MGST2: variants seen among roughly 807,000 people sequenced by gnomAD.
MGST2 encodes the protein glutathione peroxidase MGST2.
In MGST2, 9 loss-of-function variants were observed where a neutral mutation model predicts 16.6. That is an observed-to-expected ratio of 0.54 (90% CI 0.33 to 0.95). MGST2 has a LOEUF of 0.95. MGST2 is among the 40% of genes least tolerant of loss of function. MGST2 has a pLI of 0.03. For missense variants in MGST2, 159 were observed against 175.1 expected, an observed-to-expected ratio of 0.91 and a Z score of 0.52; for synonymous variants, 79 against 68.0, an observed-to-expected ratio of 1.16 and a Z score of -0.79.
intron 5 of MGST2, chr4:139,719,131 G>A (rs1307257917): frequency 3.3e-6 from 2 of 612,236 alleles, no homozygotes; most frequent in Non-Finnish European, 5.5e-6. Flanking sequence ...CGATTGCTGT[G>A]TGAAAATCAG....
intron 3 of MGST2, among the ~76,000 whole-genome samples, chr4:139,700,201 G>A (rs1320859952): frequency 1.5e-5 from 2 of 135,062 alleles, no homozygotes; most frequent in African/African-American, 5.6e-5. Flanking sequence ...GTGCGATCTC[G>A]GCTCACTGCA....
chr4:139,686,538 G>A (rs1731580038), intron 2 of MGST2, among the ~76,000 whole-genome samples: 1 of 152,082 alleles, frequency 6.6e-6, no homozygotes, highest in African/African-American at 2.4e-5. Context: ...TTAATTTTTG[G>A]TTTACACCCT....
chr4:139,731,169 T>C, intron 5 of MGST2: 1 of 162,922 alleles, frequency 6.1e-6, no homozygotes, highest in East Asian at 1.7e-4. Context: ...TTTGATGGAA[T>C]TCTAACGAGT....
intron 1 of MGST2, among the ~76,000 whole-genome samples, chr4:139,669,804 G>A (rs920093782): frequency 1.3e-5 from 2 of 152,218 alleles, no homozygotes; most frequent in Non-Finnish European, 2.9e-5. Flanking sequence ...ATAATCCAAA[G>A]GGGTACAGCA....
chr4:139,741,202 G>A (rs1394269375), downstream of MGST2, among the ~76,000 whole-genome samples: 1 of 152,148 alleles, frequency 6.6e-6, no homozygotes, highest in East Asian at 1.9e-4. Context: ...AGAAATCTGG[G>A]ATTGGTACTT....
At chr4:139,687,400 G>C (rs988114957) in intron 2 of MGST2, among the ~76,000 whole-genome samples, 33 of 152,304 alleles carry the variant, frequency 2.2e-4, no homozygotes, top group African/African-American at 7.5e-4. Flanking sequence ...AAGCCATTTA[G>C]ACTTTATCTG....
chr4:139,719,738 T>A (rs1371057787), intron 5 of MGST2: 1 of 1,613,664 alleles, frequency 6.2e-7, no homozygotes, highest in African/African-American at 1.3e-5. Context: ...CTGTGGGAAG[T>A]GCTGCTTGGT....
At chr4:139,694,168 C>T (rs1395520848) in intron 2 of MGST2, among the ~76,000 whole-genome samples, 3 of 150,130 alleles carry the variant, frequency 2.0e-5, no homozygotes, top group South Asian at 2.1e-4. Context: ...GGAAGAATTA[C>T]GCTTTGTAAT....
chr4:139,670,818 G>A (rs563037152), intron 1 of MGST2, among the ~76,000 whole-genome samples: 1 of 151,828 alleles, frequency 6.6e-6, no homozygotes, highest in South Asian at 2.1e-4. Flanking sequence ...GGAGGCTGAG[G>A]TGTGAGAATT....
chr4:139,709,234 C>T (rs1256552666), downstream of MGST2, among the ~76,000 whole-genome samples: 1 of 151,814 alleles, frequency 6.6e-6, no homozygotes, highest in Non-Finnish European at 1.5e-5. Flanking sequence ...AGGCGCCCGC[C>T]ACCACGCCCA....
the MGST2 span, among the ~76,000 whole-genome samples, chr4:139,750,066 C>T: frequency 2.6e-5 from 4 of 152,074 alleles, no homozygotes; most frequent in Admixed American, 6.5e-5. Context: ...CAAACACAGC[C>T]GTGAAACACA....
At chr4:139,694,127 C>T (rs537203541) in intron 2 of MGST2, among the ~76,000 whole-genome samples, 23 of 150,468 alleles carry the variant, frequency 1.5e-4, no homozygotes, top group Admixed American at 3.3e-4. Flanking sequence ...CTGACCTAGA[C>T]GCAGTTTTCT....
intron 1 of MGST2, among the ~76,000 whole-genome samples, chr4:139,671,602 G>T (rs1417785995): frequency 3.3e-5 from 5 of 151,874 alleles, no homozygotes; most frequent in Non-Finnish European, 7.4e-5. Context: ...GAGTAGCTGG[G>T]ACTACAGGTG....
intron 3 of MGST2, among the ~76,000 whole-genome samples, chr4:139,702,867 T>TTTTTTTTTTTTTTTTTTTTTTC (rs767366469): frequency 4.5e-5 from 6 of 132,448 alleles, no homozygotes; most frequent in African/African-American, 1.1e-4. Flanking sequence ...TTTTTTTTTT[T>TTTTTTTTTTTTTTTTTTTTTTC]TTTACAATTT....
chr4:139,716,686 G>T (rs904285272), intron 5 of MGST2: 2 of 152,520 alleles, frequency 1.3e-5, no homozygotes, highest in African/African-American at 4.8e-5. Flanking sequence ...TAAAACCCAG[G>T]AATAATATGT....
chr4:139,746,891 GT>G, the MGST2 span, among the ~76,000 whole-genome samples: 2 of 152,170 alleles, frequency 1.3e-5, no homozygotes, highest in Non-Finnish European at 2.9e-5. Flanking sequence ...GGAGAATCGG[GT>G]GGGAGGGGGT....
At chr4:139,689,896 GC>G (rs1726469821) in intron 2 of MGST2, among the ~76,000 whole-genome samples, 2 of 152,192 alleles carry the variant, frequency 1.3e-5, no homozygotes, top group Non-Finnish European at 2.9e-5. Context: ...CAAGTGATGT[GC>G]CCACATTGAA....
At chr4:139,703,770 T>G (rs1032973625) in intron 4 of MGST2, among the ~76,000 whole-genome samples, 7 of 152,236 alleles carry the variant, frequency 4.6e-5, no homozygotes, top group Admixed American at 2.0e-4. Context: ...AAATTTTGCA[T>G]TGTCTCCAGA....
chr4:139,691,111 C>G (rs1291814411), intron 2 of MGST2, among the ~76,000 whole-genome samples: 1 of 152,206 alleles, frequency 6.6e-6, no homozygotes, highest in Non-Finnish European at 1.5e-5. Flanking sequence ...AAAGAGGGCT[C>G]TCGCCAGGGA....
Sources: allele counts gnomAD v4.1 joint callset (sites outside exome capture counted in the v4.1 genomes callset), GRCh38; gene constraint gnomAD v4.1.1; transcripts MANE v1.5; gene names NCBI Gene and HGNC (gene_info 2026-07-23, HGNC 2026-07-21).